Variants in DIP2B observed in about 807,000 individuals in gnomAD.
DIP2B encodes the protein disco-interacting protein 2 homolog B.
DIP2B carries 76 observed loss-of-function variants against 198.0 expected under a neutral mutation model. The observed-to-expected ratio is 0.38, with a 90% CI of 0.32 to 0.46. The LOEUF (loss-of-function observed/expected upper bound fraction) is 0.46, where lower values mean the gene tolerates loss of function less well. Among genes scored for constraint, DIP2B ranks in the 20% least tolerant of loss-of-function variants. The pLI, the probability that DIP2B is intolerant of heterozygous loss-of-function variation, is 0.99. For missense variants in DIP2B, 1,559 were observed against 1,978.4 expected, an observed-to-expected ratio of 0.79 and a Z score of 4.02; for synonymous variants, 701 against 739.1, an observed-to-expected ratio of 0.95 and a Z score of 0.84.
At position 50,520,584 on chromosome 12, in the gene DIP2B, G is replaced by C. The variant is rs78299010; in HGVS notation, c.100+15344G>C. Among the ~76,000 whole-genome samples the C allele has an allele frequency of 4.4e-4, 67 of 152,260 alleles. No individual in the cohort carries two copies. The East Asian group carries it at 0.011, about 25-fold the overall frequency. ...GCTTGTTTTTCTTCAAGAAGACCAA[G>C]AGAAGTACTAGAAAATGAACATCCT... On this transcript the variant is annotated intron_variant, in intron 1 of 37. Coordinates refer to ENST00000301180, the MANE Select transcript of DIP2B (RefSeq NM_173602.3).
At chr12:50,634,494 G>A (rs1227951367) in intron 2 of DIP2B, among the ~76,000 whole-genome samples, 1 of 152,214 alleles carries the variant, frequency 6.6e-6, no homozygotes, top group Non-Finnish European at 1.5e-5. Context: ...AGTGCCTACT[G>A]TGTTCCAAAT....
chr12:50,536,238 A>G (rs1230697531), intron 1 of DIP2B, among the ~76,000 whole-genome samples: 1 of 151,916 alleles, frequency 6.6e-6, no homozygotes, highest in Non-Finnish European at 1.5e-5. Context: ...CATCCCAGGC[A>G]ACAAAGTGAG....
intron 1 of DIP2B, among the ~76,000 whole-genome samples, chr12:50,613,051 A>G (rs867853353): frequency 3.3e-5 from 5 of 152,202 alleles, no homozygotes; most frequent in Non-Finnish European, 7.3e-5. Flanking sequence ...AACTCTGAAT[A>G]TCTTTACGCA....
At chr12:50,640,423 T>G (rs944853473) in intron 2 of DIP2B, among the ~76,000 whole-genome samples, 1 of 152,208 alleles carries the variant, frequency 6.6e-6, no homozygotes, top group Non-Finnish European at 1.5e-5. Context: ...GGGGATCATA[T>G]GCAGTCAACT....
At chr12:50,689,716 G>A (rs1164518376) in intron 12 of DIP2B, among the ~76,000 whole-genome samples, 1 of 152,288 alleles carries the variant, frequency 6.6e-6, no homozygotes, top group East Asian at 1.9e-4. Context: ...TCTCTCTGGA[G>A]GAGAGGCTGG....
intron 12 of DIP2B, among the ~76,000 whole-genome samples, chr12:50,689,245 A>G (rs1471214085): frequency 1.3e-5 from 2 of 152,120 alleles, no homozygotes; most frequent in African/African-American, 4.8e-5. Flanking sequence ...AAAAAATAAC[A>G]AAAATTAACC....
intron 1 of DIP2B, among the ~76,000 whole-genome samples, chr12:50,599,291 CAA>C (rs531175439): frequency 8.9e-4 from 89 of 99,738 alleles, no homozygotes; most frequent in Admixed American, 8.9e-4. Context: ...GACCCTGTCT[CAA>C]AAAAAAAAAA....
intron 3 of DIP2B, chr12:50,654,957 G>A (rs1593691098): frequency 2.3e-6 from 1 of 442,692 alleles, no homozygotes; most frequent in African/African-American, 2.0e-5. Flanking sequence ...TGTTTTGGGG[G>A]AGGAATTTTT....
At chr12:50,593,694 T>C (rs1958839768) in intron 1 of DIP2B, among the ~76,000 whole-genome samples, 2 of 99,810 alleles carry the variant, frequency 2.0e-5, no homozygotes, top group Non-Finnish European at 4.2e-5. Flanking sequence ...CACTCTTTTC[T>C]CCTCTCCTCT....
At chr12:50,625,154 T>G (rs1202590798) in intron 1 of DIP2B, among the ~76,000 whole-genome samples, 1 of 152,218 alleles carries the variant, frequency 6.6e-6, no homozygotes, top group Non-Finnish European at 1.5e-5. Flanking sequence ...TCATGTCACC[T>G]CACCACATAT....
At chr12:50,689,015 G>A (rs1431009153) in intron 12 of DIP2B, among the ~76,000 whole-genome samples, 3 of 152,128 alleles carry the variant, frequency 2.0e-5, no homozygotes, top group African/African-American at 2.4e-5. Context: ...GCATCTCTGG[G>A]TAATAGGGAG....
chr12:50,574,208 A>C (rs1335038296), intron 1 of DIP2B, among the ~76,000 whole-genome samples: 1 of 152,242 alleles, frequency 6.6e-6, no homozygotes, highest in Non-Finnish European at 1.5e-5. Context: ...TTAAGATTAC[A>C]ATAGATAATT....
At position 50,691,161 on chromosome 12, in the gene DIP2B, C is replaced by T. The variant is rs200707959; in HGVS notation, c.1654+10C>T. The T allele has an allele frequency of 2.0e-5, 33 of 1,610,124 alleles. No homozygotes were observed. In the East Asian group the frequency reaches 6.5e-4, roughly 32 times the overall value. On this transcript the variant is annotated intron_variant, in intron 13 of 37. Transcript: ENST00000301180. ...TGCAATTATTCTGAAGGTCAGACCT[C>T]ATCCCATGACTGCCCTCATTGTTAC...
intron 1 of DIP2B, among the ~76,000 whole-genome samples, chr12:50,541,389 G>A (rs1958324249): frequency 6.7e-6 from 1 of 149,226 alleles, no homozygotes; most frequent in Admixed American, 6.7e-5. Context: ...TGGAATCCAA[G>A]GACAAAGAAC....
In DIP2B at chr12:50,654,356, C is replaced by CT. The variant is rs762869779; in HGVS notation, c.302-5823dup. 8.4e-3 allele frequency among the ~76,000 whole-genome samples: 1,108 copies of CT among 131,480 alleles called. 7 individuals are homozygous for CT. Among genetic ancestry groups the CT allele is most frequent in the African/African-American group, 0.024 (842 of 35,702 alleles). 86.3% of individuals were successfully genotyped at this position (131,480 alleles called of 152,430 possible). On this transcript the variant is annotated intron_variant, in intron 3 of 37. Transcript: ENST00000301180. Reference sequence around the variant, plus strand: ...ACTGAAAGAAAATATTTCTTTCTTTCTTTTTTTTTTTTTTTAAAGATAGAG... The same window carrying CT: ...ACTGAAAGAAAATATTTCTTTCTTTCTTTTTTTTTTTTTTTTAAAGATAGAG...
At chr12:50,714,271 C>CA in intron 22 of DIP2B, 124 bp from the exon 23 acceptor site, 1 of 966,532 alleles carries the variant, frequency 1.0e-6, no homozygotes, top group Non-Finnish European at 1.6e-6. Context: ...AGTGATCTGC[C>CA]AGATTCTAGA....
intron 1 of DIP2B, among the ~76,000 whole-genome samples, chr12:50,563,873 A>G (rs1958541476): frequency 7.0e-6 from 1 of 142,486 alleles, no homozygotes; most frequent in African/African-American, 2.5e-5. Flanking sequence ...TTAGCAGGAT[A>G]TTTGCTGGAT....
At chr12:50,696,830 G>T (rs915118356) in intron 16 of DIP2B, among the ~76,000 whole-genome samples, 1 of 152,138 alleles carries the variant, frequency 6.6e-6, no homozygotes, top group African/African-American at 2.4e-5. Flanking sequence ...TTATTCCAAG[G>T]TGTAATTTTA....
At chr12:50,568,484 T>TA (rs1958585191) in intron 1 of DIP2B, among the ~76,000 whole-genome samples, 1 of 152,218 alleles carries the variant, frequency 6.6e-6, no homozygotes, top group Non-Finnish European at 1.5e-5. Context: ...CTCTGAGCAG[T>TA]ATACGGGAAT....
Sources: allele counts gnomAD v4.1 joint callset (sites outside exome capture counted in the v4.1 genomes callset), GRCh38; gene constraint gnomAD v4.1.1; transcripts MANE v1.5; gene names NCBI Gene and HGNC (gene_info 2026-07-23, HGNC 2026-07-21).